The following SEMA3A variants were observed in gnomAD, a reference collection of about 807,000 sequenced individuals.
The protein encoded by SEMA3A is semaphorin-3A.
SEMA3A carries 29 observed loss-of-function variants against 97.9 expected under a neutral mutation model. The observed-to-expected ratio is 0.30, with a 90% CI of 0.22 to 0.40. The LOEUF (loss-of-function observed/expected upper bound fraction) is 0.40, where lower values mean the gene tolerates loss of function less well. Ranked by LOEUF, SEMA3A falls within the 10% of genes least tolerant of loss-of-function variation. SEMA3A has a pLI of 1.00. For missense variants in SEMA3A, 763 were observed against 951.3 expected (o/e 0.80, Z 2.60); for synonymous variants, 321 against 323.7 (o/e 0.99, Z 0.09).
rs146662707 is a variant in SEMA3A at position 84,186,752 on chromosome 7, A to AT, written c.112+7722dup. Among the ~76,000 whole-genome samples the AT allele has an allele frequency of 0.011, 1,655 of 150,352 alleles. 51 individuals carry two copies. The East Asian group carries it at 0.14, about 12-fold the overall frequency. On this transcript the variant is annotated intron_variant, in intron 1 of 16. Coordinates refer to ENST00000265362, the MANE Select transcript of SEMA3A (RefSeq NM_006080.3). Reference sequence around the variant, plus strand: ...TTCTACCATGTCACAATAACTACATATTTAAAAAAAAAAAAAGAATTTTCC... The same window carrying AT: ...TTCTACCATGTCACAATAACTACATATTTTAAAAAAAAAAAAAGAATTTTCC...
intron 1 of SEMA3A, among the ~76,000 whole-genome samples, chr7:84,404,217 A>G (rs975708819): frequency 4.6e-5 from 7 of 152,236 alleles, no homozygotes; most frequent in Admixed American, 6.5e-5. Context: ...ATGGAGCTGA[A>G]AACCACAGGA....
At chr7:84,346,081 A>G (rs1396465491) in intron 2 of SEMA3A, among the ~76,000 whole-genome samples, 1 of 152,188 alleles carries the variant, frequency 6.6e-6, no homozygotes, top group Non-Finnish European at 1.5e-5. Context: ...GCTTCACCTT[A>G]CACTTGTAAG....
chr7:84,422,875 A>T (rs1357097578), intron 1 of SEMA3A, among the ~76,000 whole-genome samples: 1 of 152,020 alleles, frequency 6.6e-6, no homozygotes, highest in Non-Finnish European at 1.5e-5. Flanking sequence ...CCCTATAGGG[A>T]CCAAAGAAAT....
upstream of SEMA3A, among the ~76,000 whole-genome samples, chr7:84,198,377 G>C (rs1295554526): frequency 6.6e-6 from 1 of 151,834 alleles, no homozygotes; most frequent in Admixed American, 6.6e-5. Flanking sequence ...ATTTTTAGTA[G>C]AGACAGGGTT....
At chr7:84,321,897 A>AAAAAAAAAAG (rs1562902776) in intron 2 of SEMA3A, among the ~76,000 whole-genome samples, 16 of 84,266 alleles carry the variant, frequency 1.9e-4, no homozygotes, top group African/African-American at 7.9e-4. Context: ...AAAAAAAAAA[A>AAAAAAAAAAG]AAGAAGAAGA....
intron 3 of SEMA3A, among the ~76,000 whole-genome samples, chr7:84,265,832 C>T (rs756245168): frequency 2.6e-5 from 4 of 151,802 alleles, no homozygotes; most frequent in South Asian, 4.1e-4. Flanking sequence ...GCTTAGATGA[C>T]GCCAAACTAT....
intron 3 of SEMA3A, among the ~76,000 whole-genome samples, chr7:84,212,065 T>G (rs1562854782): frequency 6.6e-6 from 1 of 152,202 alleles, no homozygotes; most frequent in Non-Finnish European, 1.5e-5. Context: ...GAGCATTGCA[T>G]GTACTATTTG....
intron 12 of SEMA3A, among the ~76,000 whole-genome samples, chr7:83,997,615 T>TATCA (rs1554389707): frequency 1.3e-5 from 2 of 152,216 alleles, no homozygotes; most frequent in African/African-American, 4.8e-5. Flanking sequence ...AATAGTTTTC[T>TATCA]ATCAAAGGAA....
chr7:84,333,204 A>G (rs962432761), intron 2 of SEMA3A, among the ~76,000 whole-genome samples: 3 of 152,110 alleles, frequency 2.0e-5, no homozygotes, highest in African/African-American at 7.2e-5. Context: ...CAGTTGAAGC[A>G]CCTATCAAGA....
At chr7:84,063,206 G>A (rs945669057) in intron 4 of SEMA3A, among the ~76,000 whole-genome samples, 25 of 151,446 alleles carry the variant, frequency 1.7e-4, no homozygotes, top group Admixed American at 6.6e-5. Flanking sequence ...GCAGCTGAGG[G>A]TCCTGTCTGT....
intron 3 of SEMA3A, among the ~76,000 whole-genome samples, chr7:84,242,496 T>C (rs1426366056): frequency 1.3e-5 from 2 of 152,224 alleles, no homozygotes; most frequent in Non-Finnish European, 2.9e-5. Flanking sequence ...TTTGCTGAAG[T>C]TGCTTATCTG....
chr7:84,431,637 A>C (rs1303264581), intron 1 of SEMA3A, among the ~76,000 whole-genome samples: 1 of 151,954 alleles, frequency 6.6e-6, no homozygotes, highest in Non-Finnish European at 1.5e-5. Context: ...TTTTTTAACA[A>C]GGCTACCTAT....
chr7:83,990,376 G>C (rs1019756006), intron 12 of SEMA3A, among the ~76,000 whole-genome samples: 83 of 151,448 alleles, frequency 5.5e-4, no homozygotes, highest in African/African-American at 1.7e-3. Context: ...TGGTGTTTTA[G>C]ACATGAAGTC....
chr7:84,425,153 T>C (rs1804763655), intron 1 of SEMA3A, among the ~76,000 whole-genome samples: 1 of 111,308 alleles, frequency 9.0e-6, no homozygotes, highest in South Asian at 2.5e-4. Context: ...TATATATTTA[T>C]ATATTATAAA....
intron 3 of SEMA3A, among the ~76,000 whole-genome samples, chr7:84,244,276 G>C (rs1358839016): frequency 6.6e-6 from 1 of 152,138 alleles, no homozygotes; most frequent in Non-Finnish European, 1.5e-5. Flanking sequence ...GGGTGCTCCT[G>C]TATTGGGTGC....
chr7:83,964,298 G>C (rs1021271788), intron 15 of SEMA3A, among the ~76,000 whole-genome samples: 1 of 152,064 alleles, frequency 6.6e-6, no homozygotes, highest in Non-Finnish European at 1.5e-5. Flanking sequence ...AATTAATTTA[G>C]AAAATAATAA....
At chr7:84,313,394 A>ATGTG (rs1801409805) in intron 2 of SEMA3A, among the ~76,000 whole-genome samples, 1 of 116,232 alleles carries the variant, frequency 8.6e-6, no homozygotes. Flanking sequence ...ATATATATAT[A>ATGTG]TATATATATA....
chr7:84,239,113 T>A (rs1307799234), intron 3 of SEMA3A, among the ~76,000 whole-genome samples: 1 of 152,198 alleles, frequency 6.6e-6, no homozygotes, highest in Non-Finnish European at 1.5e-5. Flanking sequence ...TAAAATAAGT[T>A]TTTAAAAATA....
chr7:84,025,570 G>A (rs1016253538), intron 6 of SEMA3A, among the ~76,000 whole-genome samples: 1 of 152,176 alleles, frequency 6.6e-6, no homozygotes, highest in Non-Finnish European at 1.5e-5. Context: ...TGGCTGCCAA[G>A]GAACGGGCCT....
Sources: allele counts gnomAD v4.1 joint callset (sites outside exome capture counted in the v4.1 genomes callset), GRCh38; gene constraint gnomAD v4.1.1; transcripts MANE v1.5; gene names NCBI Gene and HGNC (gene_info 2026-07-23, HGNC 2026-07-21).